ACOX3: variants seen among roughly 807,000 people sequenced by gnomAD.
ACOX3 encodes the protein peroxisomal acyl-coenzyme A oxidase 3.
In ACOX3, 73 loss-of-function variants were observed where a neutral mutation model predicts 81.5. That is an observed-to-expected ratio of 0.90 (90% confidence interval 0.74 to 1.09). ACOX3 has a LOEUF of 1.09. ACOX3 is among the 50% of genes least tolerant of loss of function. ACOX3 has a pLI of 0.00. For synonymous variants in ACOX3, 387 were observed against 375.1 expected (o/e 1.03, Z -0.37); for missense variants, 947 against 928.0 (o/e 1.02, Z -0.27).
intron 1 of ACOX3, among the ~76,000 whole-genome samples, chr4:8,439,813 C>T (rs762560879): frequency 6.0e-4 from 92 of 152,324 alleles, no homozygotes; most frequent in Non-Finnish European, 1.1e-3. Flanking sequence ...AGAACTCCCA[C>T]TAATTTGTGA....
rs2108998868 is a variant in ACOX3, at chr4:8,419,474, A to C, written c.-14-2939T>G. On this transcript the variant is annotated intron_variant, in intron 1 of 17. Coordinates refer to ENST00000356406, the MANE Select transcript of ACOX3 (RefSeq NM_003501.3). This position sits in a 1 kb window ranked among gnomAD's most constrained non-coding sequence, Gnocchi z 4.2. ...AAAAGAAAAAAGAAACAGAAAAATAATCACAAGTATTGAGAGGATGTGGAG... is the reference window on the plus strand; with the variant it reads ...AAAAGAAAAAAGAAACAGAAAAATACTCACAAGTATTGAGAGGATGTGGAG... Among the ~76,000 whole-genome samples the C allele has an allele frequency of 6.6e-6, 1 of 152,234 alleles. No homozygotes were observed. The highest frequency in any genetic ancestry group is 2.4e-5 in the African/African-American group (1 of 41,550).
rs1047011725 is a variant in ACOX3, at chr4:8,440,705, A to C, written c.-72T>G. On this transcript the variant is annotated 5_prime_UTR_variant, in exon 1 of 18. Coordinates refer to ENST00000356406, the MANE Select transcript of ACOX3 (RefSeq NM_003501.3). ...AAACCAAAAGCAGGAAAGGATCTCC[A>C]GCGGCGCCATTCTCATTTCCGGTCC... 2 of 1,250,004 alleles carry C rather than the reference A, an allele frequency of 1.6e-6. No homozygotes were observed. Among genetic ancestry groups the C allele is most frequent in the East Asian group, 3.0e-5 (1 of 33,558 alleles). 77.4% of individuals were successfully genotyped at this position (1,250,004 alleles called of 1,614,324 possible).
downstream of ACOX3, among the ~76,000 whole-genome samples, chr4:8,361,303 G>A (rs1447886860): frequency 6.6e-6 from 1 of 151,586 alleles, no homozygotes; most frequent in Admixed American, 6.6e-5. Context: ...GTGGGCGCCT[G>A]TAGTCCCAGC....
At position 8,407,042 on chromosome 4, in the gene ACOX3, G is replaced by A. The variant is rs767905359; in HGVS notation, c.688-999C>T. ...GACACTTATGCTACCGCTAGACCAC[G>A]GTCTGCTTGGCAACGGGCGTCTTCC... On this transcript the variant is annotated intron_variant, in intron 6 of 17. Transcript: ENST00000356406. This position sits in a 1 kb window ranked among gnomAD's most constrained non-coding sequence, Gnocchi z 4.6. 6.6e-6 allele frequency among the ~76,000 whole-genome samples: 1 copy of A among 152,120 alleles called. No individual in the cohort carries two copies. The highest frequency in any genetic ancestry group is 1.5e-5 in the Non-Finnish European group (1 of 68,020).
In ACOX3 at chr4:8,414,437, C is replaced by T. The variant is rs1722109137; in HGVS notation, c.454-56G>A. ...CAAGAAAAGTTCTTTGTGCACATTC[C>T]CAGAAGGACCTCACTGCCATCTTTC... is the stretch of plus-strand genomic sequence containing the variant. On this transcript the variant is annotated intron_variant, in intron 4 of 17. Transcript: ENST00000356406. This position sits in a 1 kb window ranked among gnomAD's most constrained non-coding sequence, Gnocchi z 6.1. 5 of 1,453,692 alleles carry T rather than the reference C, an allele frequency of 3.4e-6. No homozygotes were observed. The Admixed American group carries it at 5.1e-5, about 15-fold the overall frequency. 90.0% of individuals were successfully genotyped at this position (1,453,692 alleles called of 1,614,324 possible).
chr4:8,375,629 C>A (rs1430919733), intron 14 of ACOX3, among the ~76,000 whole-genome samples: 2 of 152,228 alleles, frequency 1.3e-5, no homozygotes, highest in East Asian at 3.9e-4. Context: ...AGATCTGCCA[C>A]CCCGTCCTCC....
Position 8,406,153 on chromosome 4 carries a change from G to T in ACOX3, c.688-110C>A. The T allele has an allele frequency of 1.9e-6, 2 of 1,030,680 alleles. No homozygotes were observed. The highest frequency in any genetic ancestry group is 3.0e-6 in the Non-Finnish European group (2 of 667,688). The allele number at this position is 1,030,680 out of a possible 1,614,324, so 63.8% of individuals were successfully genotyped here. On this transcript the variant is annotated intron_variant, in intron 6 of 17. Transcript: ENST00000356406. This position sits in a 1 kb window ranked among gnomAD's most constrained non-coding sequence, Gnocchi z 5.6. ...TGGGCCATGGGCTCAACGCTGGGCG[G>T]CTGTGGGTTAAACCATCCTCCAGAA...
chr4:8,390,103 A>C (rs897789971), intron 11 of ACOX3, among the ~76,000 whole-genome samples: 2 of 108,914 alleles, frequency 1.8e-5, no homozygotes, highest in African/African-American at 1.1e-4. Context: ...ACCCTGTCTC[A>C]ACAACAACAA....
chr4:8,434,846 G>C (rs865813644), intron 1 of ACOX3, among the ~76,000 whole-genome samples: 6 of 152,202 alleles, frequency 3.9e-5, no homozygotes, highest in African/African-American at 1.4e-4. Flanking sequence ...CTTTGGTTCT[G>C]ATTTTGACTT....
At position 8,414,429 on chromosome 4, in the gene ACOX3, G is replaced by T; in HGVS notation, c.454-48C>A. The T allele has an allele frequency of 6.5e-7, 1 of 1,535,992 alleles. No homozygotes were observed. The highest frequency in any genetic ancestry group is 9.0e-7 in the Non-Finnish European group (1 of 1,109,418). Reference sequence around the variant, plus strand: ...ATGGAAAGCAAGAAAAGTTCTTTGTGCACATTCCCAGAAGGACCTCACTGC... The same window carrying T: ...ATGGAAAGCAAGAAAAGTTCTTTGTTCACATTCCCAGAAGGACCTCACTGC... On this transcript the variant is annotated intron_variant, in intron 4 of 17. Coordinates refer to ENST00000356406, the MANE Select transcript of ACOX3 (RefSeq NM_003501.3). The surrounding 1 kb of genome is among the most constrained non-coding windows in gnomAD (Gnocchi z 6.1).
At chr4:8,426,231 C>T (rs1723467486) in intron 1 of ACOX3, among the ~76,000 whole-genome samples, 1 of 152,074 alleles carries the variant, frequency 6.6e-6, no homozygotes, top group South Asian at 2.1e-4. Flanking sequence ...GAATTCCACC[C>T]TGGTAACATG....
At chr4:8,360,672 C>T in the ACOX3 span, among the ~76,000 whole-genome samples, 1 of 152,118 alleles carries the variant, frequency 6.6e-6, no homozygotes, top group Non-Finnish European at 1.5e-5. Flanking sequence ...CAGGGTTTCA[C>T]TGTGTTAGCC....
At chr4:8,426,885 T>C (rs1723543898) in intron 1 of ACOX3, among the ~76,000 whole-genome samples, 1 of 152,140 alleles carries the variant, frequency 6.6e-6, no homozygotes, top group Non-Finnish European at 1.5e-5. Context: ...CCGATGTTGA[T>C]GACATCGAAG....
chr4:8,402,384 C>T (rs1489458625), intron 7 of ACOX3, among the ~76,000 whole-genome samples: 1 of 152,220 alleles, frequency 6.6e-6, no homozygotes, highest in Non-Finnish European at 1.5e-5. Flanking sequence ...CACAGCCGCA[C>T]ACTCAGAACA....
Position 8,399,291 on chromosome 4 carries a change from G to A in ACOX3, c.873+265C>T, listed in dbSNP as rs1423814395. Among the ~76,000 whole-genome samples, 2 of 152,234 alleles carry A rather than the reference G, an allele frequency of 1.3e-5. No individual in the cohort carries two copies. Among genetic ancestry groups the A allele is most frequent in the South Asian group, 2.1e-4 (1 of 4,834 alleles). On this transcript the variant is annotated intron_variant, in intron 8 of 17. Coordinates refer to ENST00000356406, the MANE Select transcript of ACOX3 (RefSeq NM_003501.3). This position sits in a 1 kb window ranked among gnomAD's most constrained non-coding sequence, Gnocchi z 4.9. ...AGGGAAGCATCACTGGAAGCGAGCA[G>A]TCCTCTAATCGCAGCCCCCGATGGG...
intron 1 of ACOX3, chr4:8,428,389 G>C (rs941438167): frequency 6.5e-6 from 1 of 152,756 alleles, no homozygotes; most frequent in African/African-American, 2.4e-5. Flanking sequence ...GCCCGCGACC[G>C]ACTCGGAGTA....
chr4:8,421,328 C>T (rs1199366030), intron 1 of ACOX3, among the ~76,000 whole-genome samples: 1 of 152,248 alleles, frequency 6.6e-6, no homozygotes, highest in Admixed American at 6.5e-5. Context: ...AATCCCCAAC[C>T]CTTTTGGGTT....
At chr4:8,378,456 G>A (rs183265117) in intron 14 of ACOX3, among the ~76,000 whole-genome samples, 2 of 152,314 alleles carry the variant, frequency 1.3e-5, no homozygotes, top group African/African-American at 2.4e-5. Flanking sequence ...AGGAAACCTC[G>A]AGCCCTTGTG....
Position 8,430,845 on chromosome 4 carries a change from A to G in ACOX3, c.-15+9803T>C, listed in dbSNP as rs1208642952. On this transcript the variant is annotated intron_variant, in intron 1 of 17. Transcript: ENST00000356406. The surrounding 1 kb of genome is among the most constrained non-coding windows in gnomAD (Gnocchi z 5.2). ...CACTCCAGCCTGGGTGACAAGAGTG[A>G]AACTCCATCTCAAAAAATAAAAATA... Among the ~76,000 whole-genome samples, 1 of 152,230 alleles carries G rather than the reference A, an allele frequency of 6.6e-6. No homozygotes were observed. Among genetic ancestry groups the G allele is most frequent in the African/African-American group, 2.4e-5 (1 of 41,450 alleles).
Sources: gnomAD v4.1 joint callset for allele counts (sites outside exome capture counted in the v4.1 genomes callset) on GRCh38, gnomAD v4.1.1 for gene constraint, Gnocchi (gnomAD v3.1) non-coding constraint, MANE v1.5 for transcripts, NCBI Gene and HGNC (gene_info 2026-07-23, HGNC 2026-07-21) for gene names.